EVI5: variants seen among roughly 807,000 people sequenced by gnomAD.
The protein encoded by EVI5 is ecotropic viral integration site 5 protein homolog.
Under a neutral mutation model 112.0 loss-of-function variants are expected in EVI5, and 73 were observed. That is an observed-to-expected ratio of 0.65 (90% confidence interval 0.54 to 0.79). The LOEUF is 0.79. EVI5 is among the 30% of genes least tolerant of loss of function. The probability of loss-of-function intolerance (pLI) is 0.00; values close to 1 mark genes in which losing one functional copy is unlikely to be tolerated. For synonymous variants in EVI5, 305 were observed against 319.9 expected, an observed-to-expected ratio of 0.95 and a Z score of 0.50; for missense variants, 900 against 968.8, an observed-to-expected ratio of 0.93 and a Z score of 0.94.
At chr1:92,658,335 C>T (rs536396555) in intron 13 of EVI5, among the ~76,000 whole-genome samples, 29 of 152,234 alleles carry the variant, frequency 1.9e-4, no homozygotes, top group Non-Finnish European at 1.9e-4. Context: ...ACCTAGAAAA[C>T]CCTAGAGATT....
At chr1:92,601,571 C>T (rs1649176183) in intron 18 of EVI5, among the ~76,000 whole-genome samples, 1 of 54,040 alleles carries the variant, frequency 1.9e-5, no homozygotes, top group Non-Finnish European at 3.4e-5. Context: ...CATGAATGAG[C>T]CTGGAGAACC....
intron 2 of EVI5, among the ~76,000 whole-genome samples, chr1:92,729,725 T>C (rs909083705): frequency 9.2e-5 from 14 of 152,222 alleles, no homozygotes; most frequent in Admixed American, 5.2e-4. Flanking sequence ...ATAATAGTTA[T>C]ATGTATTTTT....
chr1:92,782,950 G>A (rs904255087), intron 1 of EVI5, among the ~76,000 whole-genome samples: 4 of 152,048 alleles, frequency 2.6e-5, no homozygotes, highest in Admixed American at 2.0e-4. Context: ...CTCCTGGGTA[G>A]CTCGGACTAC....
chr1:92,568,887 T>C (rs1669898345), intron 18 of EVI5, among the ~76,000 whole-genome samples: 1 of 152,238 alleles, frequency 6.6e-6, no homozygotes, highest in Admixed American at 6.5e-5. Context: ...AATGTGTTCA[T>C]CAACTGTTTA....
intron 2 of EVI5, among the ~76,000 whole-genome samples, chr1:92,707,780 CAT>C (rs1372018673): frequency 6.6e-6 from 1 of 152,052 alleles, no homozygotes; most frequent in Non-Finnish European, 1.5e-5. Context: ...AAAATGAAAA[CAT>C]ATGTACAAAG....
At chr1:92,591,926 A>C (rs541683835) in intron 18 of EVI5, among the ~76,000 whole-genome samples, 1 of 152,364 alleles carries the variant, frequency 6.6e-6, no homozygotes, top group South Asian at 2.1e-4. Flanking sequence ...ACCACAGTAC[A>C]ATCAAACTAG....
intron 1 of EVI5, among the ~76,000 whole-genome samples, chr1:92,749,642 AG>A (rs1401365471): frequency 6.6e-6 from 1 of 152,104 alleles, no homozygotes; most frequent in Non-Finnish European, 1.5e-5. Context: ...CTAGTTAAGC[AG>A]GAGAGTACTA....
chr1:92,779,769 A>C (rs1684624384), intron 1 of EVI5, among the ~76,000 whole-genome samples: 1 of 152,182 alleles, frequency 6.6e-6, no homozygotes, highest in Non-Finnish European at 1.5e-5. Context: ...AAATAAAAAG[A>C]AGCAAGCTGA....
intron 19 of EVI5, 151 bp from the exon 20 acceptor site, chr1:92,514,121 G>A (rs1012134575): frequency 3.0e-5 from 11 of 365,712 alleles, no homozygotes; most frequent in South Asian, 7.7e-5. Flanking sequence ...TGCCTTCTAT[G>A]TGTTATATAT....
At position 92,559,997 on chromosome 1, in the gene EVI5, T is replaced by A. The variant is rs1397749142; in HGVS notation, c.2166+3645A>T. On this transcript the variant is annotated intron_variant, in intron 19 of 19. Coordinates refer to ENST00000684568, the MANE Select transcript of EVI5 (RefSeq NM_001350197.2). ...ACCATAATGAGAAATCTCTTCATAG[T>A]CACAGAATGGCTAAAATAAGAAAGA... Among the ~76,000 whole-genome samples, 3 of 152,108 alleles carry A rather than the reference T, an allele frequency of 2.0e-5. No individual in the cohort carries two copies. In the East Asian group the frequency reaches 5.8e-4, roughly 29 times the overall value.
chr1:92,713,413 A>G (rs1349787845), intron 2 of EVI5, among the ~76,000 whole-genome samples: 1 of 151,748 alleles, frequency 6.6e-6, no homozygotes, highest in Non-Finnish European at 1.5e-5. Flanking sequence ...AAGATACATA[A>G]ATTAAGTTTT....
chr1:92,737,541 G>A (rs1479925166), intron 1 of EVI5, among the ~76,000 whole-genome samples: 1 of 152,006 alleles, frequency 6.6e-6, no homozygotes, highest in African/African-American at 2.4e-5. Context: ...AACAAATTCA[G>A]CTGAAAAAGA....
intron 14 of EVI5, among the ~76,000 whole-genome samples, chr1:92,626,934 G>A (rs1157376593): frequency 6.6e-6 from 1 of 152,128 alleles, no homozygotes; most frequent in East Asian, 1.9e-4. Flanking sequence ...CAACAGTCAA[G>A]AAATTAATAC....
At chr1:92,639,596 T>C (rs1412477132) in intron 13 of EVI5, among the ~76,000 whole-genome samples, 2 of 152,200 alleles carry the variant, frequency 1.3e-5, no homozygotes, top group South Asian at 2.1e-4. Flanking sequence ...ATGACATTTA[T>C]ATGCTCTTTT....
chr1:92,544,339 T>A (rs545851852), intron 19 of EVI5, among the ~76,000 whole-genome samples: 4 of 152,312 alleles, frequency 2.6e-5, no homozygotes, highest in Non-Finnish European at 5.9e-5. Context: ...CATATGTAAA[T>A]AATGTCTCAG....
chr1:92,731,151 C>G (rs1409170754), intron 2 of EVI5, among the ~76,000 whole-genome samples: 3 of 151,948 alleles, frequency 2.0e-5, no homozygotes, highest in African/African-American at 7.3e-5. Flanking sequence ...TGGTGAAACC[C>G]CATCTCTACT....
chr1:92,776,835 G>A lies in EVI5; in HGVS notation c.-82+8001C>T, dbSNP rs184133092. On this transcript the variant is annotated intron_variant, in intron 1 of 19. Transcript: ENST00000684568. ...TTTTTTTTTTTTGAGACAGAGTCTC[G>A]CTCGTCGCCCAGGCTGGAGTGCAGT... is the stretch of plus-strand genomic sequence containing the variant. Among the ~76,000 whole-genome samples the A allele has an allele frequency of 2.1e-3, 292 of 142,206 alleles. 4 individuals are homozygous for A. The highest frequency in any genetic ancestry group is 7.4e-3 in the African/African-American group (282 of 37,920). 93.3% of individuals were successfully genotyped at this position (142,206 alleles called of 152,430 possible).
chr1:92,512,519 G>T lies in EVI5; in HGVS notation c.*1137C>A, dbSNP rs200065343. On this transcript the variant is annotated 3_prime_UTR_variant, in exon 20 of 20. Transcript: ENST00000684568. ...AACTTTTAACCTATTATTTACAGAA[G>T]TCCTGTTAGATGCTGAAAGCAGTCA... The T allele has an allele frequency of 8.5e-5, 13 of 152,130 alleles. No homozygotes were observed. Among genetic ancestry groups the T allele is most frequent in the Non-Finnish European group, 1.6e-4 (11 of 68,020 alleles). The allele number at this position is 152,130 out of a possible 1,614,324, so 9.4% of individuals were successfully genotyped here.
intron 1 of EVI5, among the ~76,000 whole-genome samples, chr1:92,752,748 C>A (rs929563480): frequency 6.6e-6 from 1 of 152,060 alleles, no homozygotes; most frequent in African/African-American, 2.4e-5. Flanking sequence ...AGTCAGCTCA[C>A]AATAAAGCCC....
Sources: gnomAD v4.1 joint callset for allele counts (sites outside exome capture counted in the v4.1 genomes callset) on GRCh38, gnomAD v4.1.1 for gene constraint, MANE v1.5 for transcripts, NCBI Gene and HGNC (gene_info 2026-07-23, HGNC 2026-07-21) for gene names.